Variants in PRKCE observed in about 807,000 individuals in gnomAD.
PRKCE encodes the protein protein kinase C epsilon.
PRKCE carries 16 observed loss-of-function variants against 85.4 expected under a neutral mutation model. The ratio of observed to expected loss-of-function variants is 0.19; its 90% CI spans 0.13 to 0.28. The LOEUF is 0.28. Ranked by LOEUF, PRKCE falls within the 10% of genes least tolerant of loss-of-function variation. PRKCE has a pLI of 1.00. For missense variants in PRKCE, 573 were observed against 975.2 expected (o/e 0.59, Z 5.49); for synonymous variants, 388 against 371.5 (o/e 1.04, Z -0.51).
intron 1 of PRKCE, among the ~76,000 whole-genome samples, chr2:45,701,844 A>AT (rs968371071): frequency 3.3e-5 from 5 of 152,052 alleles, no homozygotes; most frequent in African/African-American, 4.8e-5. Context: ...AGTCTAGATT[A>AT]TTTTTTTCCT....
At chr2:45,805,704 C>T (rs1688191722) in intron 1 of PRKCE, among the ~76,000 whole-genome samples, 3 of 150,952 alleles carry the variant, frequency 2.0e-5, no homozygotes, top group South Asian at 4.2e-4. Flanking sequence ...TAAAGTGATT[C>T]TCCTGCCTCA....
intron 14 of PRKCE, among the ~76,000 whole-genome samples, chr2:46,161,233 G>A (rs934751249): frequency 7.2e-5 from 11 of 152,342 alleles, no homozygotes; most frequent in African/African-American, 2.6e-4. Flanking sequence ...CACCTTTAAG[G>A]AAAGGATTAA....
Position 45,887,292 on chromosome 2 carries a change from C to T in PRKCE, c.412+44229C>T, listed in dbSNP as rs889730764. On this transcript the variant is annotated intron_variant, in intron 2 of 14. Coordinates refer to ENST00000306156, the MANE Select transcript of PRKCE (RefSeq NM_005400.3). ...ACCTAGATGGACAATAGATAGCGAT[C>T]TGTGTCTGAAATTCCACAGCCATCA... Among the ~76,000 whole-genome samples, 3 of 152,212 alleles carry T rather than the reference C, an allele frequency of 2.0e-5. No homozygotes were observed. The East Asian group carries it at 5.8e-4, about 29-fold the overall frequency.
intron 1 of PRKCE, among the ~76,000 whole-genome samples, chr2:45,666,372 G>C (rs2103793667): frequency 6.6e-6 from 1 of 151,982 alleles, no homozygotes; most frequent in Admixed American, 6.6e-5. Flanking sequence ...AGCCCCAGTT[G>C]CCTACATAGT....
intron 11 of PRKCE, among the ~76,000 whole-genome samples, chr2:46,117,534 T>C (rs1024688851): frequency 5.3e-5 from 8 of 152,148 alleles, no homozygotes; most frequent in Admixed American, 3.9e-4. Flanking sequence ...CATGGTACCT[T>C]CTGGGGAGCC....
intron 7 of PRKCE, among the ~76,000 whole-genome samples, chr2:46,002,605 G>T (rs896548274): frequency 3.3e-5 from 5 of 152,154 alleles, no homozygotes; most frequent in African/African-American, 4.8e-5. Context: ...GTTGTGCAAG[G>T]GTTGCAGAAA....
At chr2:46,166,171 G>A (rs185065778) in intron 14 of PRKCE, among the ~76,000 whole-genome samples, 3 of 152,188 alleles carry the variant, frequency 2.0e-5, no homozygotes, top group South Asian at 2.1e-4. Flanking sequence ...CTCGAGACCC[G>A]CACACTTCAC....
At chr2:45,692,845 T>C (rs1055393912) in intron 1 of PRKCE, among the ~76,000 whole-genome samples, 2 of 152,160 alleles carry the variant, frequency 1.3e-5, no homozygotes, top group African/African-American at 2.4e-5. Flanking sequence ...TGCCCTGGCA[T>C]GTGGGCTCGA....
rs34888247 is a variant in PRKCE at position 45,653,370 on chromosome 2, GTTTTTTTTTT to G, written c.348+938_348+947del. 3.7e-3 allele frequency among the ~76,000 whole-genome samples: 228 copies of G among 61,494 alleles called. 2 individuals are homozygous for G. Among genetic ancestry groups the G allele is most frequent in the Non-Finnish European group, 5.4e-3 (182 of 33,572 alleles). 40.3% of individuals were successfully genotyped at this position (61,494 alleles called of 152,430 possible). A position where few individuals can be genotyped will look rare whatever the true frequency, so the allele number is the denominator to read the frequency against. ...TGCTTTTTGTGTTTGTTTTTGGGTT[GTTTTTTTTTT>G]TTTTTTTTTTTTTTTCTCTCTTCTT... On this transcript the variant is annotated intron_variant, in intron 1 of 14. Transcript: ENST00000306156.
chr2:45,972,010 T>C (rs551692084), intron 2 of PRKCE, among the ~76,000 whole-genome samples: 1 of 152,330 alleles, frequency 6.6e-6, no homozygotes, highest in Non-Finnish European at 1.5e-5. Context: ...AAATGGTAGT[T>C]CTATTTTTCG....
intron 1 of PRKCE, among the ~76,000 whole-genome samples, chr2:45,682,432 A>ATT (rs776035678): frequency 4.6e-5 from 7 of 150,572 alleles, no homozygotes; most frequent in South Asian, 2.1e-4. Context: ...TTTTTTATTT[A>ATT]TTTATTTTTT....
intron 6 of PRKCE, among the ~76,000 whole-genome samples, chr2:45,995,138 T>C (rs1005083056): frequency 1.3e-5 from 2 of 152,174 alleles, no homozygotes; most frequent in Non-Finnish European, 2.9e-5. Context: ...ATTCATTTTG[T>C]TATTGTTAAG....
At chr2:45,982,757 C>T (rs1202007333) in intron 5 of PRKCE, among the ~76,000 whole-genome samples, 1 of 152,192 alleles carries the variant, frequency 6.6e-6, no homozygotes, top group Non-Finnish European at 1.5e-5. Flanking sequence ...ATCCTCCTCC[C>T]TCTGTTCTCT....
intron 13 of PRKCE, among the ~76,000 whole-genome samples, chr2:46,152,303 T>A (rs980189342): frequency 2.0e-5 from 3 of 151,880 alleles, no homozygotes; most frequent in African/African-American, 7.3e-5. Context: ...TGCCTCAGCC[T>A]CCTGAGTAGC....
At chr2:45,677,890 G>C in intron 1 of PRKCE, 1 of 985,502 alleles carries the variant, frequency 1.0e-6, no homozygotes, top group South Asian at 4.7e-5. Flanking sequence ...GGACACCACG[G>C]AAGTTCTGAA....
chr2:46,144,272 T>A (rs1400582442), intron 11 of PRKCE, among the ~76,000 whole-genome samples: 1 of 152,074 alleles, frequency 6.6e-6, no homozygotes, highest in Non-Finnish European at 1.5e-5. Flanking sequence ...TCCAGACCTT[T>A]CCCCCACCCA....
At chr2:45,980,879 C>A (rs1702838018) in intron 5 of PRKCE, among the ~76,000 whole-genome samples, 1 of 152,200 alleles carries the variant, frequency 6.6e-6, no homozygotes, top group African/African-American at 2.4e-5. Flanking sequence ...CTGATTGAAG[C>A]ACTTTAACAT....
In PRKCE at chr2:46,186,663, TCA is replaced by T; in HGVS notation, c.*1785_*1786del. The T allele has an allele frequency of 1.3e-5, 2 of 152,716 alleles. 1 individual carries two copies. Among genetic ancestry groups the T allele is most frequent in the Admixed American group, 1.3e-4 (2 of 15,304 alleles). The allele number at this position is 152,716 out of a possible 1,614,324, so 9.5% of individuals were successfully genotyped here. A position where few individuals can be genotyped will look rare whatever the true frequency, so the allele number is the denominator to read the frequency against. On this transcript the variant is annotated 3_prime_UTR_variant, in exon 15 of 15. Coordinates refer to ENST00000306156, the MANE Select transcript of PRKCE (RefSeq NM_005400.3). The stretch of plus-strand genomic sequence containing the variant: ...AACATATATTAAGCTATATTAAATC[TCA>T]CATACAGTTCTTCTGTGCTCTATTA...
intron 2 of PRKCE, among the ~76,000 whole-genome samples, chr2:45,915,687 G>A (rs1049971480): frequency 1.3e-4 from 20 of 152,182 alleles, no homozygotes; most frequent in Admixed American, 3.3e-4. Flanking sequence ...TCAGCAGAGC[G>A]TGGTGCTGGT....
Sources: allele counts gnomAD v4.1 joint callset (sites outside exome capture counted in the v4.1 genomes callset), GRCh38; gene constraint gnomAD v4.1.1; transcripts MANE v1.5; gene names NCBI Gene and HGNC (gene_info 2026-07-23, HGNC 2026-07-21).